Variants in EPHA6 observed in about 807,000 individuals in gnomAD.
The protein encoded by EPHA6 is EPH receptor A6, also known as ephrin type-A receptor 6.
A neutral mutation model predicts 112.0 loss-of-function variants in EPHA6; 50 were observed. The observed-to-expected ratio is 0.45, with a 90% CI of 0.36 to 0.56. The LOEUF (loss-of-function observed/expected upper bound fraction) is 0.56, where lower values mean the gene tolerates loss of function less well. Among genes scored for constraint, EPHA6 ranks in the 20% least tolerant of loss-of-function variants. The pLI is 0.00. For missense variants in EPHA6, 1,280 were observed against 1,417.4 expected, an observed-to-expected ratio of 0.90 and a Z score of 1.56; for synonymous variants, 529 against 490.7, an observed-to-expected ratio of 1.08 and a Z score of -1.03.
At chr3:97,199,179 G>A (rs2077516662) in intron 3 of EPHA6, among the ~76,000 whole-genome samples, 1 of 151,994 alleles carries the variant, frequency 6.6e-6, no homozygotes, top group South Asian at 2.1e-4. Flanking sequence ...ATAACAACAT[G>A]CATTTGGTTT....
At chr3:97,431,018 T>G in intron 6 of EPHA6, among the ~76,000 whole-genome samples, 1 of 152,100 alleles carries the variant, frequency 6.6e-6, no homozygotes, top group South Asian at 2.1e-4. Flanking sequence ...CATTGTCCAT[T>G]TATTTGAGTA....
intron 16 of EPHA6, among the ~76,000 whole-genome samples, chr3:97,738,970 C>T (rs2107865085): frequency 6.6e-6 from 1 of 152,164 alleles, no homozygotes; most frequent in South Asian, 2.1e-4. Context: ...CTCTTACTTG[C>T]AATACCACCC....
intron 3 of EPHA6, among the ~76,000 whole-genome samples, chr3:97,012,266 T>C (rs1199738958): frequency 6.6e-6 from 1 of 151,764 alleles, no homozygotes; most frequent in Non-Finnish European, 1.5e-5. Context: ...TAATTTACAT[T>C]CCCAAACAGT....
At chr3:96,967,554 C>T (rs569644642) in intron 2 of EPHA6, among the ~76,000 whole-genome samples, 1 of 151,830 alleles carries the variant, frequency 6.6e-6, no homozygotes, top group African/African-American at 2.4e-5. Context: ...AGAATGTTTA[C>T]ATATGTTGCC....
intron 3 of EPHA6, among the ~76,000 whole-genome samples, chr3:97,095,659 T>C (rs1364123119): frequency 6.6e-6 from 1 of 151,934 alleles, no homozygotes; most frequent in East Asian, 1.9e-4. Context: ...GCCATATGAC[T>C]AAGTATGTGA....
At chr3:97,450,138 A>T (rs550062466) in intron 7 of EPHA6, among the ~76,000 whole-genome samples, 7 of 152,116 alleles carry the variant, frequency 4.6e-5, no homozygotes, top group Non-Finnish European at 8.8e-5. Flanking sequence ...AGAGAAAATT[A>T]TTAGGAGTAG....
chr3:97,716,942 G>A (rs940849998), intron 14 of EPHA6, among the ~76,000 whole-genome samples: 2 of 152,150 alleles, frequency 1.3e-5, no homozygotes, highest in Non-Finnish European at 2.9e-5. Flanking sequence ...TTGGCCAGGT[G>A]TGGTGGGCCT....
chr3:97,125,482 T>C (rs978725676), intron 3 of EPHA6, among the ~76,000 whole-genome samples: 4 of 152,182 alleles, frequency 2.6e-5, no homozygotes, highest in African/African-American at 9.6e-5. Context: ...ATATTTTGGA[T>C]TTCTTTTTCC....
intron 3 of EPHA6, among the ~76,000 whole-genome samples, chr3:97,053,768 C>G (rs907928673): frequency 2.6e-5 from 4 of 151,950 alleles, no homozygotes; most frequent in Admixed American, 2.0e-4. Context: ...TACATTTATC[C>G]GAATGAGGGA....
intron 14 of EPHA6, among the ~76,000 whole-genome samples, chr3:97,673,786 G>A (rs767731905): frequency 6.6e-6 from 1 of 152,208 alleles, no homozygotes; most frequent in Non-Finnish European, 1.5e-5. Context: ...TCATGCCCCA[G>A]TATAGCAGGC....
intron 2 of EPHA6, among the ~76,000 whole-genome samples, chr3:96,923,573 A>G (rs148505505): frequency 0.012 from 1,764 of 151,698 alleles, 15 homozygotes; most frequent in Non-Finnish European, 0.018. Context: ...TTTTTATCCT[A>G]TCTTGTAGGT....
intron 2 of EPHA6, among the ~76,000 whole-genome samples, chr3:96,970,763 G>A (rs2042287645): frequency 6.6e-6 from 1 of 151,972 alleles, no homozygotes; most frequent in African/African-American, 2.4e-5. Context: ...GCCTTCATGT[G>A]GTCCAACATA....
chr3:97,432,581 A>T (rs72928222), intron 6 of EPHA6, among the ~76,000 whole-genome samples: 3,895 of 152,240 alleles, frequency 0.026, 165 homozygotes, highest in African/African-American at 0.084. Context: ...GCTCTTATTA[A>T]TAAAGTGTAT....
chr3:97,493,008 T>G (rs1465246902), intron 10 of EPHA6, among the ~76,000 whole-genome samples: 1 of 151,060 alleles, frequency 6.6e-6, no homozygotes, highest in Admixed American at 6.6e-5. Flanking sequence ...AATGTAACTC[T>G]AGCCCTGCTT....
rs548899355 is a variant in EPHA6 at position 97,562,606 on chromosome 3, C to T, written c.2387-30006C>T. Among the ~76,000 whole-genome samples the T allele has an allele frequency of 3.3e-4, 51 of 152,258 alleles. 1 individual carries two copies. The highest frequency in any genetic ancestry group is 3.3e-3 in the Admixed American group (50 of 15,270). On this transcript the variant is annotated intron_variant, in intron 11 of 17. Transcript: ENST00000389672. ...ATCTACTCCTAGTGAAGATGCTACGCACATTGTTGACAGTGCAACAAACAT... is the reference window on the plus strand; with the variant it reads ...ATCTACTCCTAGTGAAGATGCTACGTACATTGTTGACAGTGCAACAAACAT...
chr3:97,403,185 A>T (rs1348591921), intron 5 of EPHA6, among the ~76,000 whole-genome samples: 1 of 152,100 alleles, frequency 6.6e-6, no homozygotes, highest in African/African-American at 2.4e-5. Context: ...AAACAGCTTC[A>T]AAATTACAAT....
At chr3:97,672,486 G>A (rs2030946583) in intron 14 of EPHA6, among the ~76,000 whole-genome samples, 1 of 152,026 alleles carries the variant, frequency 6.6e-6, no homozygotes, top group African/African-American at 2.4e-5. Flanking sequence ...GAGGAGTTAG[G>A]GGAACTTCAG....
intron 5 of EPHA6, among the ~76,000 whole-genome samples, chr3:97,337,855 C>T (rs2083130731): frequency 1.3e-5 from 2 of 152,082 alleles, no homozygotes; most frequent in Non-Finnish European, 2.9e-5. Flanking sequence ...AAAAATTTAT[C>T]AAGTCACTTA....
intron 3 of EPHA6, among the ~76,000 whole-genome samples, chr3:97,179,064 T>C (rs949665053): frequency 5.9e-5 from 9 of 152,054 alleles, no homozygotes; most frequent in Admixed American, 5.2e-4. Flanking sequence ...TATTCTTTTC[T>C]TTTTCTTTTT....
Sources: gnomAD v4.1 joint callset for allele counts (sites outside exome capture counted in the v4.1 genomes callset) on GRCh38, gnomAD v4.1.1 for gene constraint, MANE v1.5 for transcripts, NCBI Gene and HGNC (gene_info 2026-07-23, HGNC 2026-07-21) for gene names.